The following HOXA5 variants were observed in gnomAD, a reference collection of about 807,000 sequenced individuals.
The protein encoded by HOXA5 is homeobox A5, also known as homeobox protein Hox-A5.
HOXA5 carries 12 observed loss-of-function variants against 20.0 expected under a neutral mutation model. The ratio of observed to expected loss-of-function variants is 0.60; its 90% CI spans 0.38 to 0.97. HOXA5 has a LOEUF of 0.97. HOXA5 is among the 50% of genes least tolerant of loss of function. The probability of loss-of-function intolerance (pLI) is 0.00; values close to 1 mark genes in which losing one functional copy is unlikely to be tolerated. For missense variants in HOXA5, 352 were observed against 380.3 expected (o/e 0.93, Z 0.62); for synonymous variants, 159 against 157.7 (o/e 1.01, Z -0.06).
chr7:27,143,199 T>G lies in HOXA5; in HGVS notation c.409A>C (p.Ile137Leu). ...GASADAGSTH[I>L]SSREGVGTAS... ...GTGCCAACCCCCTCTCTGCTGCTGA[T>G]GTGGGTGCTGCCGGCGTCGGCCGAG... The change falls in exon 1 of 2, where the codon ATC becomes CTC. Residue 137 changes from isoleucine (I) to leucine (L), a missense_variant. Transcript: ENST00000222726. The G allele has an allele frequency of 6.2e-7, 1 of 1,611,184 alleles. No homozygotes were observed. Among genetic ancestry groups the G allele is most frequent in the African/African-American group, 1.3e-5 (1 of 74,946 alleles).
At chr7:27,142,874 C>G (rs1375169233) in intron 1 of HOXA5, 172 bp downstream of exon 1, 1 of 618,376 alleles carries the variant, frequency 1.6e-6, no homozygotes, top group African/African-American at 1.9e-5. Context: ...GCAGGGTGCT[C>G]GCAAAGAAGA....
At chr7:27,142,733 C>T in intron 1 of HOXA5, 2 of 373,816 alleles carry the variant, frequency 5.4e-6, no homozygotes, top group East Asian at 4.4e-5. Flanking sequence ...TACCTCTCTG[C>T]GCCTTGCTCG....
At chr7:27,142,451 G>T (rs550573489) in intron 1 of HOXA5, among the ~76,000 whole-genome samples, 1 of 152,234 alleles carries the variant, frequency 6.6e-6, no homozygotes, top group Admixed American at 6.5e-5. Flanking sequence ...GCGCCCAAGT[G>T]GCCTTCGGGT....
intron 1 of HOXA5, 43 bp from the exon 2 acceptor site, chr7:27,142,128 T>G (rs1782592911): frequency 6.3e-7 from 1 of 1,591,832 alleles, no homozygotes; most frequent in Admixed American, 1.7e-5. Flanking sequence ...ACTCCTGTCT[T>G]CCAAAGTCCG....
rs373164884 is a variant in HOXA5, at chr7:27,141,860, G to A, written c.788C>T (p.Ala263Val). The change falls in exon 2 of 2, where the codon GCG (alanine) becomes GTG (valine). Residue 263 changes from alanine to valine, a missense_variant. Physicochemically the swap from Ala to Val is moderately conservative, Grantham distance 64 (BLOSUM62 0). This residue lies in a region of HOXA5 where 30 missense variants were observed against 26.0 expected (regional missense o/e 1.15). Coordinates refer to ENST00000222726, the MANE Select transcript of HOXA5 (RefSeq NM_019102.4). The part of the protein sequence containing the change: ...DNKLKSMSMA[A>V]AGGAFRP The stretch of plus-strand genomic sequence containing the variant: ...TCAGGGACGGAAGGCCCCTCCTGCC[G>A]CGGCCATGCTCATGCTTTTCAGCTT... The A allele has an allele frequency of 9.7e-5, 157 of 1,614,062 alleles. 1 individual carries two copies. The highest frequency in any genetic ancestry group is 7.4e-4 in the South Asian group (67 of 91,070).
chr7:27,141,793 G>A lies in HOXA5; in HGVS notation c.*42C>T. The A allele has an allele frequency of 1.2e-6, 2 of 1,600,946 alleles. No homozygotes were observed. The highest frequency in any genetic ancestry group is 2.1e-4 in the Middle Eastern group (1 of 4,730). ...AGTCACCTTAGTACTGACACTACGC[G>A]GGATCCGCTAATACTGCTCAGTACT... On this transcript the variant is annotated 3_prime_UTR_variant, in exon 2 of 2. Coordinates refer to ENST00000222726, the MANE Select transcript of HOXA5 (RefSeq NM_019102.4).
Position 27,143,313 on chromosome 7 carries a change from C to A in HOXA5, c.295G>T (p.Asp99Tyr), listed in dbSNP as rs1055240029. The A allele has an allele frequency of 5.0e-6, 8 of 1,599,066 alleles. No individual in the cohort carries two copies. Among genetic ancestry groups the A allele is most frequent in the South Asian group, 4.4e-5 (4 of 90,256 alleles). Residue 99 changes from aspartate to tyrosine, a missense_variant, in exon 1 of 2, where the codon GAT (aspartate) becomes TAT (tyrosine). Around this residue, in one of 3 missense-constraint regions of HOXA5, gnomAD observed 319 missense variants for 336.5 expected, o/e 0.95. Transcript: ENST00000222726. The stretch of plus-strand genomic sequence containing the variant: ...GCCACGGCGGAGCAGGGCAGCGGAT[C>A]GGGCTGAGGAGAGTGCGTGGACGTG... ...PATSTHSPQP[D>Y]PLPCSAVAPS...
At position 27,141,991 on chromosome 7, in the gene HOXA5, G is replaced by A. The variant is rs1401075076; in HGVS notation, c.657C>T (p.Tyr219=). 2.5e-6 allele frequency: 4 copies of A among 1,614,114 alleles called. No homozygotes were observed. In the African/African-American group the frequency reaches 5.3e-5, roughly 22 times the overall value. The change falls in exon 2 of 2, where the codon TAC becomes TAT. Residue 219 remains tyrosine, a synonymous_variant. Coordinates refer to ENST00000222726, the MANE Select transcript of HOXA5 (RefSeq NM_019102.4). ...ELEKEFHFNR[Y]LTRRRRIEIA... Reference sequence around the variant, plus strand: ...TTTCAATCCTCCTTCTGCGGGTCAGGTAACGGTTGAAGTGGAACTCCTTCT... The same window carrying A: ...TTTCAATCCTCCTTCTGCGGGTCAGATAACGGTTGAAGTGGAACTCCTTCT...
chr7:27,143,519 A>G lies in HOXA5; in HGVS notation c.89T>C (p.Val30Ala). The G allele has an allele frequency of 1.2e-6, 2 of 1,613,866 alleles. No individual in the cohort carries two copies. ...CGCCGAGTCCCTGAATTGCTCGCTC[A>G]CGGAACTATGATCTCCATAATTATG... is the stretch of plus-strand genomic sequence containing the variant. ...QLHNYGDHSS[V>A]SEQFRDSASM... is the part of the protein sequence containing the mutation. Residue 30 changes from valine (V) to alanine (A), a missense_variant, in exon 1 of 2, where the codon GTG (valine) becomes GCG (alanine). Physicochemically the swap from Val to Ala is moderately conservative, Grantham distance 64. Transcript: ENST00000222726.
At position 27,141,546 on chromosome 7, in the gene HOXA5, T is replaced by A. The variant is rs1782570006; in HGVS notation, c.*289A>T. On this transcript the variant is annotated 3_prime_UTR_variant, in exon 2 of 2. Coordinates refer to ENST00000222726, the MANE Select transcript of HOXA5 (RefSeq NM_019102.4). ...TGTGTGTTTTTTTTTCTCTTTTCTT[T>A]TTTTGTTATAGTTACTTCAAGTAAC... The A allele has an allele frequency of 3.7e-6, 1 of 271,094 alleles. No individual in the cohort carries two copies. Among genetic ancestry groups the A allele is most frequent in the Non-Finnish European group, 7.0e-6 (1 of 143,708 alleles). The allele number at this position is 271,094 out of a possible 1,614,324, so 16.8% of individuals were successfully genotyped here.
At chr7:27,142,879 A>T (rs1243359804) in intron 1 of HOXA5, 167 bp downstream of exon 1, 3 of 630,292 alleles carry the variant, frequency 4.8e-6, no homozygotes, top group Admixed American at 3.2e-5. Flanking sequence ...GTGCTCGCAA[A>T]GAAGAGGAGG....
chr7:27,143,170 C>A lies in HOXA5; in HGVS notation c.438G>T (p.Ala146=). The change falls in exon 1 of 2, where the codon GCG becomes GCT. Residue 146 remains alanine (A), a synonymous_variant. Coordinates refer to ENST00000222726, the MANE Select transcript of HOXA5 (RefSeq NM_019102.4). ...CAGGGGCGTCCTCCTCGGCTCCGGA[C>A]GCCGTGCCAACCCCCTCTCTGCTGC... is the stretch of plus-strand genomic sequence containing the variant. ...HISSREGVGT[A]SGAEEDAPAS... 6.2e-7 allele frequency: 1 copy of A among 1,610,174 alleles called. No individual in the cohort carries two copies. Among genetic ancestry groups the A allele is most frequent in the Non-Finnish European group, 8.5e-7 (1 of 1,178,778 alleles).
Position 27,143,404 on chromosome 7 carries a change from C to G in HOXA5, c.204G>C (p.Glu68Asp). ...CGCTGGCAGCGTAGCTGCGGGCGCGCTCTCCGGAGCCAAAGTGGCCGGAGC... is the reference window on the plus strand; with the variant it reads ...CGCTGGCAGCGTAGCTGCGGGCGCGGTCTCCGGAGCCAAAGTGGCCGGAGC... Reference protein sequence around the residue: ...RSGSGHFGSGERARSYAASAS... With the variant: ...RSGSGHFGSGDRARSYAASAS... Residue 68 changes from glutamate (E) to aspartate (D), a missense_variant, in exon 1 of 2, where the codon GAG (glutamate) becomes GAC (aspartate). Coordinates refer to ENST00000222726, the MANE Select transcript of HOXA5 (RefSeq NM_019102.4). The G allele has an allele frequency of 6.2e-7, 1 of 1,609,220 alleles. No homozygotes were observed. Among genetic ancestry groups the G allele is most frequent in the Non-Finnish European group, 8.5e-7 (1 of 1,178,806 alleles).
intron 1 of HOXA5, chr7:27,142,838 G>A: frequency 7.6e-6 from 4 of 524,880 alleles, no homozygotes; most frequent in Non-Finnish European, 1.3e-5. Context: ...CCCAGAGAAC[G>A]CCCATTTCCC....
chr7:27,141,791 G>T lies in HOXA5; in HGVS notation c.*44C>A. 1.3e-6 allele frequency: 2 copies of T among 1,599,086 alleles called. No homozygotes were observed. Among genetic ancestry groups the T allele is most frequent in the Non-Finnish European group, 1.7e-6 (2 of 1,171,972 alleles). ...AAAGTCACCTTAGTACTGACACTAC[G>T]CGGGATCCGCTAATACTGCTCAGTA... On this transcript the variant is annotated 3_prime_UTR_variant, in exon 2 of 2. Coordinates refer to ENST00000222726, the MANE Select transcript of HOXA5 (RefSeq NM_019102.4).
In HOXA5 at chr7:27,143,167, G is replaced by A. The variant is rs1199670426; in HGVS notation, c.441C>T (p.Ser147=). 5 of 1,609,964 alleles carry A rather than the reference G, an allele frequency of 3.1e-6. No homozygotes were observed. In the African/African-American group the frequency reaches 4.0e-5, roughly 13 times the overall value. Residue 147 remains serine, a synonymous_variant, in exon 1 of 2, where the codon TCC becomes TCT. Transcript: ENST00000222726. The stretch of plus-strand genomic sequence containing the variant: ...TGGCAGGGGCGTCCTCCTCGGCTCC[G>A]GACGCCGTGCCAACCCCCTCTCTGC... ...ISSREGVGTA[S]GAEEDAPASS...
Position 27,143,414 on chromosome 7 carries a change from C to G in HOXA5, c.194G>C (p.Gly65Ala). The G allele has an allele frequency of 6.2e-7, 1 of 1,611,668 alleles. No homozygotes were observed. Among genetic ancestry groups the G allele is most frequent in the Non-Finnish European group, 8.5e-7 (1 of 1,179,494 alleles). Residue 65 changes from glycine (G) to alanine (A), a missense_variant, in exon 1 of 2, where the codon GGC (glycine) becomes GCC (alanine). Physicochemically the swap from Gly to Ala is moderately conservative, Grantham distance 60. Transcript: ENST00000222726. ...SVGRSGSGHF[G>A]SGERARSYAA... The stretch of plus-strand genomic sequence containing the variant: ...GTAGCTGCGGGCGCGCTCTCCGGAG[C>G]CAAAGTGGCCGGAGCCCGAGCGGCC...
Position 27,141,884 on chromosome 7 carries a change from T to G in HOXA5, c.764A>C (p.Lys255Thr). The change falls in exon 2 of 2, where the codon AAG becomes ACG. Residue 255 changes from lysine to threonine, a missense_variant. This residue lies in a region of HOXA5 where 30 missense variants were observed against 26.0 expected (regional missense o/e 1.15). Coordinates refer to ENST00000222726, the MANE Select transcript of HOXA5 (RefSeq NM_019102.4). ...CGCGGCCATGCTCATGCTTTTCAGCTTATTATCTTTTTTCCACTTCATTCT... is the reference window on the plus strand; with the variant it reads ...CGCGGCCATGCTCATGCTTTTCAGCGTATTATCTTTTTTCCACTTCATTCT... ...NRRMKWKKDNKLKSMSMAAAG... is the reference protein window; with the variant it reads ...NRRMKWKKDNTLKSMSMAAAG... The G allele has an allele frequency of 2.5e-6, 4 of 1,614,228 alleles. No individual in the cohort carries two copies. The highest frequency in any genetic ancestry group is 1.3e-5 in the African/African-American group (1 of 75,048).
chr7:27,141,875 C>A lies in HOXA5; in HGVS notation c.773G>T (p.Ser258Ile). 6.2e-7 allele frequency: 1 copy of A among 1,614,222 alleles called. No individual in the cohort carries two copies. Among genetic ancestry groups the A allele is most frequent in the South Asian group, 1.1e-5 (1 of 91,090 alleles). ...MKWKKDNKLK[S>I]MSMAAAGGAF... is the part of the protein sequence containing the mutation. Reference sequence around the variant, plus strand: ...CCCTCCTGCCGCGGCCATGCTCATGCTTTTCAGCTTATTATCTTTTTTCCA... The same window carrying A: ...CCCTCCTGCCGCGGCCATGCTCATGATTTTCAGCTTATTATCTTTTTTCCA... The change falls in exon 2 of 2, where the codon AGC (serine) becomes ATC (isoleucine). Residue 258 changes from serine (S) to isoleucine (I), a missense_variant. Ser to Ile is a moderately radical substitution (Grantham distance 142). Transcript: ENST00000222726.
Sources: gnomAD v4.1 joint callset for allele counts (sites outside exome capture counted in the v4.1 genomes callset) on GRCh38, gnomAD v4.1.1 for gene constraint, gnomAD v4.1.1 regional missense constraint, MANE v1.5 for transcripts, NCBI Gene and HGNC (gene_info 2026-07-23, HGNC 2026-07-21) for gene names.